Variants in ADAMTS13 observed in about 807,000 individuals in gnomAD.
The protein encoded by ADAMTS13 is ADAM metallopeptidase with thrombospondin type 1 motif 13.
Under a neutral mutation model 155.1 loss-of-function variants are expected in ADAMTS13, and 110 were observed. The observed-to-expected ratio is 0.71, with a 90% CI of 0.61 to 0.83. The LOEUF is 0.83. Ranked by LOEUF, ADAMTS13 falls within the 40% of genes least tolerant of loss-of-function variation. The pLI, the probability that ADAMTS13 is intolerant of heterozygous loss-of-function variation, is 0.00. For missense variants in ADAMTS13, 1,707 were observed against 1,891.7 expected (o/e 0.90, Z 1.81); for synonymous variants, 758 against 756.4 (o/e 1.00, Z -0.03).
chr9:133,429,280 C>T (rs587630637), intron 7 of ADAMTS13, among the ~76,000 whole-genome samples: 20 of 137,834 alleles, frequency 1.5e-4, no homozygotes, highest in Admixed American at 1.1e-3. Flanking sequence ...GTTCCACCCC[C>T]TCCCTGCGCC....
intron 10 of ADAMTS13, 52 bp downstream of exon 10, chr9:133,433,581 C>T: frequency 6.2e-6 from 10 of 1,613,714 alleles, no homozygotes; most frequent in Non-Finnish European, 8.5e-6. Flanking sequence ...TACCATAGTC[C>T]CTAGTTGAAG....
At chr9:133,417,912 G>T, upstream of ADAMTS13, 1 of 1,467,962 alleles carries the variant, frequency 6.8e-7, no homozygotes, top group Non-Finnish European at 9.1e-7. Flanking sequence ...CCGGCGCCCT[G>T]GCAGCACAAG....
chr9:133,449,699 C>A, intron 22 of ADAMTS13, 84 bp from the exon 23 acceptor site: 1 of 1,513,338 alleles, frequency 6.6e-7, no homozygotes, highest in South Asian at 1.1e-5. Context: ...TCTTCCTAGT[C>A]TGGGGAAATG....
chr9:133,444,926 C>G lies in ADAMTS13; in HGVS notation c.2484C>G (p.Asn828Lys), dbSNP rs1841951465. 3.7e-6 allele frequency: 6 copies of G among 1,613,328 alleles called. No homozygotes were observed. Among genetic ancestry groups the G allele is most frequent in the South Asian group, 1.1e-5 (1 of 91,090 alleles). Residue 828 changes from asparagine to lysine, a missense_variant, in exon 20 of 29, where the codon AAC (asparagine) becomes AAG (lysine). Around this residue, in one of 3 missense-constraint regions of ADAMTS13, gnomAD observed 961 missense variants for 1,107.9 expected, o/e 0.87. Transcript: ENST00000355699. ...GTGGAGCAGGCCTGGCCTTGGAGAA[C>G]GAGACCTGTGTGCCAGGGGCAGATG... Reference protein sequence around the residue: ...SAGGAGLALENETCVPGADGL... With the variant: ...SAGGAGLALEKETCVPGADGL...
chr9:133,414,531 G>A (rs782643854), exon 1 of ADAMTS13: 1 of 831,322 alleles, frequency 1.2e-6, no homozygotes, highest in South Asian at 1.4e-5. Context: ...GTAACAGCGA[G>A]TAAACAAAGG....
chr9:133,438,973 G>A (rs1554789929), intron 14 of ADAMTS13, among the ~76,000 whole-genome samples: 2 of 151,470 alleles, frequency 1.3e-5, no homozygotes, highest in African/African-American at 4.9e-5. Flanking sequence ...CTTCTCTCCT[G>A]CTCAAGAAAT....
chr9:133,459,254 G>A lies in ADAMTS13; in HGVS notation c.*74G>A, dbSNP rs1020386672. On this transcript the variant is annotated 3_prime_UTR_variant, in exon 29 of 29. Coordinates refer to ENST00000355699, the MANE Select transcript of ADAMTS13 (RefSeq NM_139027.6). ...CCCTGGTCTCAGTGCTTTCCAATTC[G>A]AACTTTTTCCAATCTTAGGTATCTA... 2.4e-5 allele frequency: 34 copies of A among 1,433,300 alleles called. No homozygotes were observed. Among genetic ancestry groups the A allele is most frequent in the African/African-American group, 5.6e-5 (4 of 70,824 alleles). 88.8% of individuals were successfully genotyped at this position (1,433,300 alleles called of 1,614,324 possible). A position where few individuals can be genotyped will look rare whatever the true frequency, so the allele number is the denominator to read the frequency against.
At chr9:133,414,352 A>G (rs782259786), upstream of ADAMTS13, 5 of 570,300 alleles carry the variant, frequency 8.8e-6, no homozygotes, top group South Asian at 7.7e-5. Context: ...CTTGCCCCAA[A>G]CCACCCAACT....
rs587606951 is a variant in ADAMTS13, at chr9:133,443,326, G to C, written c.2235-50G>C. The C allele has an allele frequency of 4.5e-6, 7 of 1,557,842 alleles. No homozygotes were observed. In the African/African-American group the frequency reaches 9.4e-5, roughly 21 times the overall value. On this transcript the variant is annotated intron_variant, in intron 18 of 28. Coordinates refer to ENST00000355699, the MANE Select transcript of ADAMTS13 (RefSeq NM_139027.6). ...CAGCACCTGCCACCCCATCACCCCA[G>C]GCCAGCCTGGGACCTGGCCAGGGTC...
chr9:133,443,011 C>T (rs1356061273), intron 18 of ADAMTS13, among the ~76,000 whole-genome samples: 2 of 152,202 alleles, frequency 1.3e-5, no homozygotes, highest in Non-Finnish European at 1.5e-5. Context: ...TCTGGGCCAC[C>T]GAGGCCTCTC....
Position 133,423,029 on chromosome 9 carries a change from G to A in ADAMTS13, c.106-72G>A, listed in dbSNP as rs1214185497. The A allele has an allele frequency of 2.9e-6, 4 of 1,384,750 alleles. No homozygotes were observed. The African/African-American group carries it at 4.4e-5, about 15-fold the overall frequency. 85.8% of individuals were successfully genotyped at this position (1,384,750 alleles called of 1,614,324 possible). A position where few individuals can be genotyped will look rare whatever the true frequency, so the allele number is the denominator to read the frequency against. The stretch of plus-strand genomic sequence containing the variant: ...GGACTCAAGTGATCCTCCCACCTCG[G>A]TCTCCCCAAGTGTTAGGATTACAGG... On this transcript the variant is annotated intron_variant, in intron 1 of 28. Transcript: ENST00000355699.
rs782659608 is a variant in ADAMTS13, at chr9:133,437,743, T to TC, written c.1436-3dup. 64 of 1,613,608 alleles carry TC rather than the reference T, an allele frequency of 4.0e-5. No homozygotes were observed. Among genetic ancestry groups the TC allele is most frequent in the Non-Finnish European group, 4.9e-5 (58 of 1,180,034 alleles). ...CAGGACACCCTTTTTCACTCTGCCC[T>TC]CCCAGGGGATGCTCTGTGCAGACAC... On this transcript the variant is annotated splice_polypyrimidine_tract_variant and splice_region_variant and intron_variant, in intron 12 of 28. Coordinates refer to ENST00000355699, the MANE Select transcript of ADAMTS13 (RefSeq NM_139027.6).
upstream of ADAMTS13, among the ~76,000 whole-genome samples, chr9:133,419,375 A>G (rs1313657953): frequency 6.6e-6 from 1 of 152,198 alleles, no homozygotes; most frequent in African/African-American, 2.4e-5. Flanking sequence ...GCAGCAGGAT[A>G]TAAGATTCCT....
chr9:133,457,832 C>T, intron 27 of ADAMTS13, 78 bp from the exon 28 acceptor site: 2 of 1,581,296 alleles, frequency 1.3e-6, no homozygotes, highest in Non-Finnish European at 1.7e-6. Context: ...CCCTGCACGG[C>T]TCCCTGGCTG....
At chr9:133,433,253 GCTGTGGGTGGGGTCC>G in intron 9 of ADAMTS13, 110 bp from the exon 10 acceptor site, 1 of 1,316,856 alleles carries the variant, frequency 7.6e-7, no homozygotes, top group East Asian at 2.3e-5. Flanking sequence ...TTTGGGGGTC[GCTGTGGGTGGGGTCC>G]CTGTGTGTGT....
At chr9:133,430,805 C>T (rs188028807) in intron 8 of ADAMTS13, among the ~76,000 whole-genome samples, 158 of 151,680 alleles carry the variant, frequency 1.0e-3, no homozygotes, top group African/African-American at 3.7e-3. Flanking sequence ...GGACTACAGG[C>T]GCCCGCCACC....
At position 133,422,527 on chromosome 9, in the gene ADAMTS13, G is replaced by A. The variant is rs2130769073; in HGVS notation, c.84G>A (p.Trp28Ter). Residue 28 changes from tryptophan to a stop codon, truncating the protein, a stop_gained, in exon 1 of 29, where the codon TGG becomes TGA. Transcript: ENST00000355699. LOFTEE classifies it high-confidence loss of function. ...ILACGFLLGC[W>*]GPSHFQQSCL... ...CCTGTGGCTTTCTCCTGGGCTGCTGGGGACCCTCCCATTTCCAGCAGGTGG... is the reference window on the plus strand; with the variant it reads ...CCTGTGGCTTTCTCCTGGGCTGCTGAGGACCCTCCCATTTCCAGCAGGTGG... The A allele has an allele frequency of 6.2e-7, 1 of 1,614,118 alleles. No individual in the cohort carries two copies. Among genetic ancestry groups the A allele is most frequent in the Non-Finnish European group, 8.5e-7 (1 of 1,180,032 alleles).
rs375099094 is a variant in ADAMTS13 at position 133,441,602 on chromosome 9, G to T, written c.1969-797G>T. Among the ~76,000 whole-genome samples the T allele has an allele frequency of 1.3e-5, 2 of 152,180 alleles. No homozygotes were observed. Among genetic ancestry groups the T allele is most frequent in the South Asian group, 2.1e-4 (1 of 4,832 alleles). On this transcript the variant is annotated intron_variant, in intron 16 of 28. Transcript: ENST00000355699. The surrounding 1 kb of genome is among the most constrained non-coding windows in gnomAD (Gnocchi z 5.0). ...GCCCTGGGCTCTGGCCTCCAGGCTG[G>T]CCTCTTTCTTGGGCTGGTCTTGGGC...
At chr9:133,450,784 G>T (rs36222277) in intron 23 of ADAMTS13, among the ~76,000 whole-genome samples, 3,000 of 152,246 alleles carry the variant, frequency 0.02, 109 homozygotes, top group African/African-American at 0.069. Context: ...AAGACGGGGT[G>T]GGGGGCTCAG....
Sources: allele counts gnomAD v4.1 joint callset (sites outside exome capture counted in the v4.1 genomes callset), GRCh38; gene constraint gnomAD v4.1.1; regional missense constraint gnomAD v4.1.1; non-coding constraint Gnocchi (gnomAD v3.1); transcripts MANE v1.5; gene names NCBI Gene and HGNC (gene_info 2026-07-23, HGNC 2026-07-21).